The following SLC26A8 variants were observed in gnomAD, a reference collection of about 807,000 sequenced individuals.
SLC26A8 encodes the protein solute carrier family 26 member 8, also known as testis anion transporter 1.
A neutral mutation model predicts 105.0 loss-of-function variants in SLC26A8; 70 were observed. The observed-to-expected ratio is 0.67, with a 90% CI of 0.55 to 0.81. The LOEUF is 0.81. Among genes scored for constraint, SLC26A8 ranks in the 40% least tolerant of loss-of-function variants. SLC26A8 has a pLI of 0.00. For missense variants in SLC26A8, 998 were observed against 1,181.8 expected, an observed-to-expected ratio of 0.84 and a Z score of 2.28; for synonymous variants, 415 against 438.3, an observed-to-expected ratio of 0.95 and a Z score of 0.66.
chr6:35,966,127 C>T lies in SLC26A8; in HGVS notation c.1365+2750G>A, dbSNP rs549695669. On this transcript the variant is annotated intron_variant, in intron 11 of 19. Coordinates refer to ENST00000490799, the MANE Select transcript of SLC26A8 (RefSeq NM_052961.4). ...CTGGGAATTAGAACTAATCTTACCACGAGGAATGGCTGAGTCCACGCTTAC... is the reference window on the plus strand; with the variant it reads ...CTGGGAATTAGAACTAATCTTACCATGAGGAATGGCTGAGTCCACGCTTAC... Among the ~76,000 whole-genome samples the T allele has an allele frequency of 5.3e-5, 8 of 152,208 alleles. No individual in the cohort carries two copies. The East Asian group carries it at 7.7e-4, about 15-fold the overall frequency.
chr6:35,977,412 ACT>A, intron 8 of SLC26A8, 61 bp from the exon 9 acceptor site: 2 of 1,523,320 alleles, frequency 1.3e-6, no homozygotes, highest in South Asian at 2.5e-5. Context: ...TACCTCCGCC[ACT>A]CTATTCTAAC....
intron 10 of SLC26A8, among the ~76,000 whole-genome samples, chr6:35,971,359 TGAGCA>T (rs1442444645): frequency 6.8e-6 from 1 of 147,054 alleles, no homozygotes; most frequent in Non-Finnish European, 1.5e-5. Context: ...CAGGCTTTCT[TGAGCA>T]AAGACTGACT....
chr6:35,960,001 C>T lies in SLC26A8; in HGVS notation c.1639-195G>A, dbSNP rs12201122. 0.19 allele frequency: 78,482 copies of T among 421,744 alleles called. 7,562 individuals are homozygous for T. The highest frequency in any genetic ancestry group is 0.22 in the Middle Eastern group (337 of 1,506). 26.1% of individuals were successfully genotyped at this position (421,744 alleles called of 1,614,324 possible). A position where few individuals can be genotyped will look rare whatever the true frequency, so the allele number is the denominator to read the frequency against. On this transcript the variant is annotated intron_variant, in intron 14 of 19. Coordinates refer to ENST00000490799, the MANE Select transcript of SLC26A8 (RefSeq NM_052961.4). ...TTGGCTCACTGCAACCTCCGCCTCTCGGGTTCAAGCAATTCTCCTGCCTCA... is the reference window on the plus strand; with the variant it reads ...TTGGCTCACTGCAACCTCCGCCTCTTGGGTTCAAGCAATTCTCCTGCCTCA...
rs771697056 is a variant in SLC26A8 at position 35,997,873 on chromosome 6, C to T, written c.492G>A (p.Val164=). ...CCAGTTGACCGTTGTTGAATGGGCT[C>T]ACTTTCAGAACGTTGATCAGCAGAG... is the stretch of plus-strand genomic sequence containing the variant. ...VSALLINVLK[V]SPFNNGQLVM... The change falls in exon 5 of 20, where the codon GTG becomes GTA. Residue 164 remains valine (V), a synonymous_variant. Transcript: ENST00000490799. The T allele has an allele frequency of 9.9e-6, 16 of 1,613,998 alleles. No homozygotes were observed. The highest frequency in any genetic ancestry group is 1.7e-5 in the Admixed American group (1 of 59,994).
Position 35,955,479 on chromosome 6 carries a change from T to G in SLC26A8, c.1905A>C (p.Glu635Asp), listed in dbSNP as rs867882525. ...TERFENKLDP[E>D]ASSINLIHCS... is the part of the protein sequence containing the mutation. ...AGTGAATCAGGTTAATGGAGGATGCTTCGGGATCCAGTTTATTTTCAAATC... is the reference window on the plus strand; with the variant it reads ...AGTGAATCAGGTTAATGGAGGATGCGTCGGGATCCAGTTTATTTTCAAATC... The change falls in exon 17 of 20, where the codon GAA becomes GAC. Residue 635 changes from glutamate (E) to aspartate (D), a missense_variant. Coordinates refer to ENST00000490799, the MANE Select transcript of SLC26A8 (RefSeq NM_052961.4). 3 of 1,614,190 alleles carry G rather than the reference T, an allele frequency of 1.9e-6. No individual in the cohort carries two copies. Among genetic ancestry groups the G allele is most frequent in the Non-Finnish European group, 8.5e-7 (1 of 1,180,014 alleles).
chr6:35,966,001 C>CAAA (rs67198897), intron 11 of SLC26A8, among the ~76,000 whole-genome samples: 2 of 95,670 alleles, frequency 2.1e-5, no homozygotes, highest in African/African-American at 3.9e-5. Context: ...ACTCTCATCT[C>CAAA]AAAAAAAAAA....
intron 16 of SLC26A8, among the ~76,000 whole-genome samples, chr6:35,957,114 C>A (rs771306035): frequency 6.6e-6 from 1 of 151,040 alleles, no homozygotes; most frequent in Non-Finnish European, 1.5e-5. Flanking sequence ...CTCAGCTACT[C>A]GGGAGGCTGA....
rs1485967477 is a variant in SLC26A8, at chr6:36,024,580, G to A, written c.-79C>T. 3 of 371,782 alleles carry A rather than the reference G, an allele frequency of 8.1e-6. No individual in the cohort carries two copies. The highest frequency in any genetic ancestry group is 1.6e-5 in the Non-Finnish European group (3 of 190,302). 23.0% of individuals were successfully genotyped at this position (371,782 alleles called of 1,614,324 possible). A position where few individuals can be genotyped will look rare whatever the true frequency, so the allele number is the denominator to read the frequency against. ...TCGCCTGGCTGGCGGCGCTGCGGAC[G>A]CGGATACCGGCGGCGGTTCCCGAGC... On this transcript the variant is annotated 5_prime_UTR_variant, in exon 1 of 20. Transcript: ENST00000490799.
chr6:35,968,675 A>AC (rs1772651908), intron 11 of SLC26A8, among the ~76,000 whole-genome samples: 1 of 120,100 alleles, frequency 8.3e-6, no homozygotes, highest in African/African-American at 3.3e-5. Context: ...TTAACCCTCA[A>AC]CCCTGTGATC....
chr6:36,020,494 A>T (rs1762103340), intron 1 of SLC26A8, among the ~76,000 whole-genome samples: 1 of 152,172 alleles, frequency 6.6e-6, no homozygotes, highest in Non-Finnish European at 1.5e-5. Context: ...ATGGCATGGC[A>T]TGTAGTCCTA....
intron 8 of SLC26A8, 86 bp downstream of exon 8, chr6:35,982,035 A>G: frequency 7.2e-7 from 1 of 1,395,430 alleles, no homozygotes; most frequent in East Asian, 2.3e-5. Flanking sequence ...GACTGCTAGT[A>G]GAAAATATCA....
At chr6:35,970,931 G>A (rs948977926) in intron 10 of SLC26A8, among the ~76,000 whole-genome samples, 93 of 152,240 alleles carry the variant, frequency 6.1e-4, no homozygotes, top group African/African-American at 1.3e-3. Context: ...GGGAGGCTGA[G>A]GCAGGAGAAT....
At chr6:35,973,615 A>C (rs776047228) in intron 10 of SLC26A8, among the ~76,000 whole-genome samples, 21 of 152,026 alleles carry the variant, frequency 1.4e-4, no homozygotes, top group Non-Finnish European at 2.6e-4. Flanking sequence ...GGCCCAAGAC[A>C]ATTCTCCTTC....
chr6:36,003,852 G>T (rs1229034862), intron 3 of SLC26A8, among the ~76,000 whole-genome samples: 2 of 151,672 alleles, frequency 1.3e-5, no homozygotes, highest in Non-Finnish European at 2.9e-5. Context: ...TAGTAGAGAT[G>T]GGGTTTCACC....
chr6:35,975,338 G>T, intron 10 of SLC26A8, 37 bp downstream of exon 10: 2 of 1,183,544 alleles, frequency 1.7e-6, no homozygotes, highest in Non-Finnish European at 2.5e-6. Flanking sequence ...ATATGAATAT[G>T]TTTATGTATT....
At chr6:35,977,159 AAAG>A in intron 9 of SLC26A8, 42 bp downstream of exon 9, 1 of 1,570,536 alleles carries the variant, frequency 6.4e-7, no homozygotes, top group Non-Finnish European at 8.6e-7. Flanking sequence ...GGCTTTGATT[AAAG>A]AACAAAGAGT....
At chr6:35,954,752 C>A in intron 17 of SLC26A8, 1 of 223,124 alleles carries the variant, frequency 4.5e-6, no homozygotes, top group East Asian at 1.2e-4. Context: ...TGAGACCAAC[C>A]TGGCCAACAT....
At position 35,982,134 on chromosome 6, in the gene SLC26A8, T is replaced by G; in HGVS notation, c.1012A>C (p.Met338Leu). Residue 338 changes from methionine (M) to leucine (L), a missense_variant, in exon 8 of 20, where the codon ATG becomes CTG. Transcript: ENST00000490799. ...GGAATTACTGACCTATAAGGAATCA[T>G]GTCAATAAGCGTCTGGCTGGTTTCT... ...ATETSQTLIDMIPYSFLLPVT... is the reference protein window; with the variant it reads ...ATETSQTLIDLIPYSFLLPVT... 6.2e-7 allele frequency: 1 copy of G among 1,614,148 alleles called. No homozygotes were observed. The highest frequency in any genetic ancestry group is 8.5e-7 in the Non-Finnish European group (1 of 1,180,016).
At chr6:36,003,271 T>C (rs927209092) in intron 3 of SLC26A8, among the ~76,000 whole-genome samples, 1 of 152,228 alleles carries the variant, frequency 6.6e-6, no homozygotes, top group Non-Finnish European at 1.5e-5. Flanking sequence ...TTTTTCTTTA[T>C]AGAGACCCAA....
Sources: allele counts gnomAD v4.1 joint callset (sites outside exome capture counted in the v4.1 genomes callset), GRCh38; gene constraint gnomAD v4.1.1; transcripts MANE v1.5; gene names NCBI Gene and HGNC (gene_info 2026-07-23, HGNC 2026-07-21).